Variants in RP1 observed in about 807,000 individuals in gnomAD.
RP1 encodes the protein oxygen-regulated protein 1.
RP1 carries 16 observed loss-of-function variants against 14.8 expected under a neutral mutation model. The ratio of observed to expected loss-of-function variants is 1.08; its 90% CI spans 0.73 to 1.65. The LOEUF is 1.65. Ranked by LOEUF, RP1 falls within the 40% of genes most tolerant of loss-of-function variation. The probability of loss-of-function intolerance (pLI) is 0.00; values close to 1 mark genes in which losing one functional copy is unlikely to be tolerated. For missense variants in RP1, 2,631 were observed against 2,535.0 expected (o/e 1.04, Z -0.81); for synonymous variants, 876 against 883.6 (o/e 0.99, Z 0.15).
At chr8:54,771,575 T>G (rs2129375297), downstream of RP1, among the ~76,000 whole-genome samples, 1 of 152,220 alleles carries the variant, frequency 6.6e-6, no homozygotes, top group East Asian at 1.9e-4. Context: ...TAATTATTTC[T>G]GTTGTCTTAT....
chr8:54,803,564 A>G (rs1308090580), intron 24 of RP1, among the ~76,000 whole-genome samples: 1 of 152,190 alleles, frequency 6.6e-6, no homozygotes, highest in Non-Finnish European at 1.5e-5. Context: ...ATGTTGTTGA[A>G]TGATTTCCTT....
intron 24 of RP1, among the ~76,000 whole-genome samples, chr8:54,833,612 C>G (rs1811588941): frequency 6.6e-6 from 1 of 151,946 alleles, no homozygotes; most frequent in African/African-American, 2.4e-5. Flanking sequence ...TGGCTTTAAC[C>G]TTAATCACGC....
chr8:54,705,459 G>A (rs1012951847), intron 14 of RP1, among the ~76,000 whole-genome samples: 5 of 152,082 alleles, frequency 3.3e-5, no homozygotes, highest in Non-Finnish European at 7.3e-5. Context: ...TCTTTATTGG[G>A]CTTCCATCCT....
At chr8:54,844,872 T>A (rs1811876965) in intron 25 of RP1, among the ~76,000 whole-genome samples, 1 of 152,168 alleles carries the variant, frequency 6.6e-6, no homozygotes, top group Non-Finnish European at 1.5e-5. Context: ...ATGGCGCCAC[T>A]GGGTCACTCT....
At chr8:54,665,002 A>C (rs1806986510) in intron 7 of RP1, among the ~76,000 whole-genome samples, 1 of 152,200 alleles carries the variant, frequency 6.6e-6, no homozygotes, top group Non-Finnish European at 1.5e-5. Context: ...AAGTTGAAAA[A>C]GAAAAAATTG....
At chr8:54,683,575 G>T (rs1416854497) in intron 12 of RP1, among the ~76,000 whole-genome samples, 1 of 152,088 alleles carries the variant, frequency 6.6e-6, no homozygotes, top group African/African-American at 2.4e-5. Context: ...ATCGTGAATG[G>T]GAGTTCATTC....
chr8:54,800,030 T>C (rs1810666829), intron 24 of RP1, among the ~76,000 whole-genome samples: 3 of 149,572 alleles, frequency 2.0e-5, no homozygotes, highest in South Asian at 4.4e-4. Context: ...ATGGATCTGT[T>C]AGAAATACAT....
At chr8:54,777,095 T>C (rs981459327) in intron 23 of RP1, among the ~76,000 whole-genome samples, 6 of 152,164 alleles carry the variant, frequency 3.9e-5, no homozygotes, top group Admixed American at 3.9e-4. Flanking sequence ...TCCGATAAAA[T>C]GTAGGTAATA....
intron 23 of RP1, chr8:54,781,038 T>C (rs1810173522): frequency 1.0e-6 from 1 of 984,662 alleles, no homozygotes; most frequent in Non-Finnish European, 1.2e-6. Context: ...ACTTTAAAAG[T>C]ATTTTTAACA....
At chr8:54,680,907 G>C (rs1807411953) in intron 12 of RP1, among the ~76,000 whole-genome samples, 1 of 150,892 alleles carries the variant, frequency 6.6e-6, no homozygotes, top group Non-Finnish European at 1.5e-5. Flanking sequence ...GCAGTGAGCC[G>C]AGATAGAGCC....
chr8:54,699,632 A>G (rs1367128326), intron 13 of RP1: 8 of 756,732 alleles, frequency 1.1e-5, no homozygotes, highest in South Asian at 4.1e-5. Flanking sequence ...ATTTTTTTGT[A>G]TAAGATACAT....
At chr8:54,754,027 T>C (rs915561106) in intron 19 of RP1, among the ~76,000 whole-genome samples, 1 of 152,142 alleles carries the variant, frequency 6.6e-6, no homozygotes, top group Admixed American at 6.5e-5. Flanking sequence ...AATTGTGGGC[T>C]TATTCCTGGA....
chr8:54,781,781 A>T (rs1177292801), intron 23 of RP1, among the ~76,000 whole-genome samples: 1 of 152,158 alleles, frequency 6.6e-6, no homozygotes, highest in East Asian at 1.9e-4. Context: ...GCTTAGGAAA[A>T]CTTGAAAGTG....
intron 19 of RP1, among the ~76,000 whole-genome samples, chr8:54,741,707 G>GCATATATA (rs1554528861): frequency 5.2e-5 from 3 of 58,036 alleles, no homozygotes; most frequent in Non-Finnish European, 9.5e-5. Flanking sequence ...AAATGTGTGT[G>GCATATATA]TATATATATA....
At chr8:54,743,592 T>C (rs1048542828) in intron 19 of RP1, among the ~76,000 whole-genome samples, 2 of 152,220 alleles carry the variant, frequency 1.3e-5, no homozygotes, top group Non-Finnish European at 2.9e-5. Context: ...ACTTTGATGC[T>C]GAAATCATCC....
At chr8:54,600,658 C>T (rs991701563) in intron 1 of RP1, among the ~76,000 whole-genome samples, 4 of 151,940 alleles carry the variant, frequency 2.6e-5, no homozygotes, top group Non-Finnish European at 4.4e-5. Context: ...GGGCACAGGT[C>T]GAGGCTTCCC....
intron 8 of RP1, among the ~76,000 whole-genome samples, chr8:54,675,250 A>G (rs895116336): frequency 3.3e-5 from 5 of 152,196 alleles, no homozygotes; most frequent in African/African-American, 1.2e-4. Flanking sequence ...GTAAAATTCA[A>G]GACAACAAGC....
At chr8:54,866,620 A>G (rs1446780879) in intron 28 of RP1, among the ~76,000 whole-genome samples, 1 of 152,198 alleles carries the variant, frequency 6.6e-6, no homozygotes, top group African/African-American at 2.4e-5. Flanking sequence ...TAACCAATCT[A>G]CAGAATATGT....
intron 25 of RP1, among the ~76,000 whole-genome samples, chr8:54,848,999 T>A (rs1189798888): frequency 1.3e-5 from 2 of 152,186 alleles, no homozygotes; most frequent in African/African-American, 4.8e-5. Context: ...TCCATCCACC[T>A]CGGCCTCCCA....
Sources: gnomAD v4.1 joint callset for allele counts (sites outside exome capture counted in the v4.1 genomes callset) on GRCh38, gnomAD v4.1.1 for gene constraint, MANE v1.5 for transcripts, NCBI Gene and HGNC (gene_info 2026-07-23, HGNC 2026-07-21) for gene names.